COL19A1: variants seen among roughly 807,000 people sequenced by gnomAD.
COL19A1 encodes collagen type XIX alpha 1 chain.
Under a neutral mutation model 190.2 loss-of-function variants are expected in COL19A1, and 159 were observed. The observed-to-expected ratio is 0.84, with a 90% CI of 0.73 to 0.95. The LOEUF is 0.95. Ranked by LOEUF, COL19A1 falls within the 40% of genes least tolerant of loss-of-function variation. The pLI is 0.00. For synonymous variants in COL19A1, 509 were observed against 458.9 expected, an observed-to-expected ratio of 1.11 and a Z score of -1.39; for missense variants, 1,418 against 1,431.9, an observed-to-expected ratio of 0.99 and a Z score of 0.16.
intron 48 of COL19A1, among the ~76,000 whole-genome samples, chr6:70,198,631 A>G (rs941837576): frequency 1.1e-4 from 16 of 152,232 alleles, no homozygotes; most frequent in Non-Finnish European, 4.4e-5. Context: ...GGAATGAGTT[A>G]ATGATTTTAC....
At chr6:69,877,789 G>T (rs968588930) in intron 1 of COL19A1, among the ~76,000 whole-genome samples, 10 of 152,132 alleles carry the variant, frequency 6.6e-5, no homozygotes, top group African/African-American at 2.4e-4. Flanking sequence ...GGGAGGCCAA[G>T]GTGGGCAGAT....
chr6:69,924,947 G>A (rs981908815), intron 4 of COL19A1, among the ~76,000 whole-genome samples: 2 of 152,098 alleles, frequency 1.3e-5, no homozygotes, highest in African/African-American at 4.8e-5. Context: ...GCTTTTTCTT[G>A]TAAATTTGTT....
chr6:70,146,742 A>C (rs566237040), intron 26 of COL19A1, 39 bp downstream of exon 26: 5 of 1,595,926 alleles, frequency 3.1e-6, no homozygotes, highest in Middle Eastern at 1.7e-4. Context: ...GGAATGAATA[A>C]TTAACAAAAT....
At chr6:70,156,537 A>G in intron 33 of COL19A1, 133 bp from the exon 34 acceptor site, 1 of 1,087,010 alleles carries the variant, frequency 9.2e-7, no homozygotes, top group South Asian at 1.5e-5. Context: ...AGTCACTTGC[A>G]AATGTTGCCA....
chr6:70,193,631 C>T (rs559499868), intron 48 of COL19A1, among the ~76,000 whole-genome samples: 8 of 152,166 alleles, frequency 5.3e-5, no homozygotes, highest in Non-Finnish European at 1.2e-4. Context: ...TAAAGCGACC[C>T]ATAAGGAAAC....
intron 9 of COL19A1, among the ~76,000 whole-genome samples, chr6:69,954,387 G>T (rs189463156): frequency 2.6e-5 from 4 of 152,098 alleles, no homozygotes; most frequent in Admixed American, 2.6e-4. Flanking sequence ...TTGTTGAGTT[G>T]TTCAGAATTC....
chr6:69,915,866 T>G (rs1325722971), intron 4 of COL19A1, among the ~76,000 whole-genome samples: 1 of 151,866 alleles, frequency 6.6e-6, no homozygotes, highest in South Asian at 2.1e-4. Flanking sequence ...TCACATTACC[T>G]AGTTACTAGT....
intron 14 of COL19A1, among the ~76,000 whole-genome samples, chr6:70,047,620 C>T (rs1447078584): frequency 6.6e-6 from 1 of 152,052 alleles, no homozygotes; most frequent in Non-Finnish European, 1.5e-5. Context: ...GGTTATATGT[C>T]ATCTGTTGTT....
intron 42 of COL19A1, among the ~76,000 whole-genome samples, chr6:70,179,000 G>A (rs977247213): frequency 9.9e-5 from 15 of 151,996 alleles, no homozygotes; most frequent in African/African-American, 3.6e-4. Flanking sequence ...TTATCTCTTT[G>A]TCTCAGATCT....
chr6:70,075,243 G>A (rs58106918), intron 15 of COL19A1, among the ~76,000 whole-genome samples: 8,221 of 152,218 alleles, frequency 0.054, 729 homozygotes, highest in African/African-American at 0.19. Flanking sequence ...AACAAGTGCA[G>A]AGCTTTCTCC....
chr6:69,938,320 T>C (rs895360376), intron 9 of COL19A1, among the ~76,000 whole-genome samples: 1 of 152,130 alleles, frequency 6.6e-6, no homozygotes, highest in Non-Finnish European at 1.5e-5. Context: ...TGGAAAGATC[T>C]GGAACTGCAA....
intron 9 of COL19A1, among the ~76,000 whole-genome samples, chr6:69,954,662 T>C (rs1435352702): frequency 6.6e-6 from 1 of 152,054 alleles, no homozygotes; most frequent in Non-Finnish European, 1.5e-5. Context: ...TTGGAGAAAG[T>C]ATGCTCTTCC....
At chr6:70,019,191 G>A (rs978877393) in intron 11 of COL19A1, among the ~76,000 whole-genome samples, 4 of 152,106 alleles carry the variant, frequency 2.6e-5, no homozygotes, top group African/African-American at 9.7e-5. Context: ...TGATTGTATG[G>A]AAGTTATTGA....
chr6:70,034,212 G>C (rs2150116310), intron 12 of COL19A1, 33 bp from the exon 13 acceptor site: 1 of 1,500,748 alleles, frequency 6.7e-7, no homozygotes, highest in Non-Finnish European at 9.3e-7. Context: ...AAAGCTTTCT[G>C]TGAACTGTGT....
intron 9 of COL19A1, among the ~76,000 whole-genome samples, chr6:69,958,437 C>T (rs1257475640): frequency 6.6e-6 from 1 of 152,106 alleles, no homozygotes; most frequent in East Asian, 1.9e-4. Flanking sequence ...TAGACTGTTT[C>T]CTGGCACCAA....
intron 11 of COL19A1, among the ~76,000 whole-genome samples, chr6:69,976,407 G>C (rs944041851): frequency 1.1e-4 from 16 of 152,228 alleles, no homozygotes; most frequent in African/African-American, 3.9e-4. Context: ...CCATTTATTT[G>C]ATCATTTAGG....
At chr6:70,120,599 T>A (rs1051985803) in intron 16 of COL19A1, among the ~76,000 whole-genome samples, 2 of 152,150 alleles carry the variant, frequency 1.3e-5, no homozygotes, top group Non-Finnish European at 2.9e-5. Flanking sequence ...CCATAAGAAT[T>A]CTCTTCTTAC....
chr6:70,102,026 A>G lies in COL19A1; in HGVS notation c.1225-143A>G, dbSNP rs547722529. Reference sequence around the variant, plus strand: ...AATTGGCCCACAGCTTTTAAAATTGATATTTAAAAGTCATGTGGAATTGGA... The same window carrying G: ...AATTGGCCCACAGCTTTTAAAATTGGTATTTAAAAGTCATGTGGAATTGGA... On this transcript the variant is annotated intron_variant, in intron 15 of 50. Transcript: ENST00000620364. 7.4e-5 allele frequency: 53 copies of G among 720,046 alleles called. 1 individual carries two copies. The South Asian group carries it at 9.0e-4, about 12-fold the overall frequency. The allele number at this position is 720,046 out of a possible 1,614,324, so 44.6% of individuals were successfully genotyped here. A position where few individuals can be genotyped will look rare whatever the true frequency, so the allele number is the denominator to read the frequency against.
intron 15 of COL19A1, among the ~76,000 whole-genome samples, chr6:70,071,682 A>G (rs999412262): frequency 1.3e-5 from 2 of 152,134 alleles, no homozygotes; most frequent in African/African-American, 4.8e-5. Context: ...TGAATGTTGA[A>G]TATTGATCCT....
Sources: allele counts gnomAD v4.1 joint callset (sites outside exome capture counted in the v4.1 genomes callset), GRCh38; gene constraint gnomAD v4.1.1; transcripts MANE v1.5; gene names NCBI Gene and HGNC (gene_info 2026-07-23, HGNC 2026-07-21).